Variants in FMR1 observed in about 807,000 individuals in gnomAD.
The protein encoded by FMR1 is fragile X messenger ribonucleoprotein 1.
Under a neutral mutation model 50.6 loss-of-function variants are expected in FMR1, and 13 were observed. That is an observed-to-expected ratio of 0.26 (90% CI 0.17 to 0.41). The LOEUF (loss-of-function observed/expected upper bound fraction) is 0.41. FMR1 is among the 10% of genes least tolerant of loss of function. The probability of loss-of-function intolerance (pLI) is 1.00; values close to 1 mark genes in which losing one functional copy is unlikely to be tolerated. For synonymous variants in FMR1, 138 were observed against 164.1 expected (o/e 0.84, Z 1.22); for missense variants, 316 against 491.3 (o/e 0.64, Z 3.37).
At position 147,936,530 on chromosome X, in the gene FMR1, C is replaced by A; in HGVS notation, c.907C>A (p.Leu303Met). 8.3e-7 allele frequency: 1 copy of A among 1,201,377 alleles called. No homozygotes were observed. Among genetic ancestry groups the A allele is most frequent in the Non-Finnish European group, 1.1e-6 (1 of 886,198 alleles). The change falls in exon 10 of 17, where the codon CTG (leucine) becomes ATG (methionine). Residue 303 changes from leucine to methionine, a missense_variant. By Grantham distance (15) the Leu-to-Met change is conservative. Transcript: ENST00000370475. ...VGKVIGKNGK[L>M]IQEIVDKSGV... ...CAAAGTAATAGGAAAAAATGGAAAG[C>A]TGATTCAGGAGATTGTGGACAAGTC...
rs3999731 is a variant in FMR1 at position 147,924,467 on chromosome X, T to TTGTGTGTGTG, written c.105-1049_105-1040dup. On this transcript the variant is annotated intron_variant, in intron 2 of 16. Transcript: ENST00000370475. ...CAAAGTTTGTCTTTCAGTATTTTATTTGTGTGTGTGTGTGTGTGTGTGTGT... is the reference window on the plus strand; with the variant it reads ...CAAAGTTTGTCTTTCAGTATTTTATTTGTGTGTGTGTGTGTGTGTGTGTGTGTGTGTGTGT... Among the ~76,000 whole-genome samples, 89 of 91,075 alleles carry TTGTGTGTGTG rather than the reference T, an allele frequency of 9.8e-4. 1 individual carries two copies. The highest frequency in any genetic ancestry group is 3.3e-3 in the African/African-American group (76 of 23,376). 79.1% of individuals were successfully genotyped at this position (91,075 alleles called of 115,157 possible). A position where few individuals can be genotyped will look rare whatever the true frequency, so the allele number is the denominator to read the frequency against.
chrX:147,946,493 T>A (rs2044173408), intron 16 of FMR1, among the ~76,000 whole-genome samples: 1 of 112,220 alleles, frequency 8.9e-6, no homozygotes, highest in African/African-American at 3.2e-5. Flanking sequence ...TAAATAATTT[T>A]AAAATTATCT....
rs368581020 is a variant in FMR1, at chrX:147,918,555, C to CTTTTTTTTTTTT, written c.52-3364_52-3353dup. 6.9e-3 allele frequency among the ~76,000 whole-genome samples: 326 copies of CTTTTTTTTTTTT among 47,275 alleles called. 47 individuals carry two copies. Among genetic ancestry groups the CTTTTTTTTTTTT allele is most frequent in the Non-Finnish European group, 7.8e-3 (241 of 31,059 alleles). 41.1% of individuals were successfully genotyped at this position (47,275 alleles called of 115,157 possible). On this transcript the variant is annotated intron_variant, in intron 1 of 16. Transcript: ENST00000370475. ...GAAATGCATTCAGAGCCTGCAAAAG[C>CTTTTTTTTTTTT]TTTTTTTTTTTTTTTTTTTTTTTTT...
intron 7 of FMR1, among the ~76,000 whole-genome samples, chrX:147,931,544 A>T (rs1388216350): frequency 8.9e-6 from 1 of 111,927 alleles, no homozygotes; most frequent in Non-Finnish European, 1.9e-5. Flanking sequence ...TATTAAAGAG[A>T]TTTACATGTT....
At chrX:147,933,456 A>C (rs1293909369) in intron 9 of FMR1, 3 of 999,286 alleles carry the variant, frequency 3.0e-6, no homozygotes, top group Non-Finnish European at 3.8e-6. Context: ...AGCTAGAAGA[A>C]ACTTCAGATG....
chrX:147,938,100 T>C lies in FMR1; in HGVS notation c.1127T>C (p.Val376Ala). Residue 376 changes from valine (V) to alanine (A), a missense_variant and splice_region_variant, in exon 12 of 17, where the codon GTG becomes GCG. Physicochemically the swap from Val to Ala is moderately conservative, Grantham distance 64 (BLOSUM62 0). Coordinates refer to ENST00000370475, the MANE Select transcript of FMR1 (RefSeq NM_002024.6). ...SQPNSTKVQR[V>A]LVASSVVAGE... The stretch of plus-strand genomic sequence containing the variant: ...CTTGCATTCCTTATACTGCTTTAGG[T>C]GTTAGTGGCTTCATCAGTTGTAGCA... 1 of 1,203,541 alleles carries C rather than the reference T, an allele frequency of 8.3e-7. No individual in the cohort carries two copies. The highest frequency in any genetic ancestry group is 1.1e-6 in the Non-Finnish European group (1 of 887,853).
In FMR1 at chrX:147,912,084, C is replaced by CGGCGGCGGCGGCGGCGGCGGA. The variant is rs1569545079; in HGVS notation, c.-76_-75insAGGCGGCGGCGGCGGCGGCGG. The CGGCGGCGGCGGCGGCGGCGGA allele has an allele frequency of 9.3e-5, 34 of 366,137 alleles. No individual in the cohort carries two copies. The highest frequency in any genetic ancestry group is 6.8e-4 in the African/African-American group (23 of 33,752). 30.2% of individuals were successfully genotyped at this position (366,137 alleles called of 1,213,427 possible). A position where few individuals can be genotyped will look rare whatever the true frequency, so the allele number is the denominator to read the frequency against. ...GCGGCGGCGGCGGCGGCGGCGGAGG[C>CGGCGGCGGCGGCGGCGGCGGA]GGCGGCGGCGGCGGCGGCGGCGGCG... On this transcript the variant is annotated 5_prime_UTR_variant, in exon 1 of 17. Transcript: ENST00000370475.
intron 2 of FMR1, among the ~76,000 whole-genome samples, chrX:147,923,204 A>T (rs1409168183): frequency 8.9e-6 from 1 of 111,894 alleles, no homozygotes; most frequent in Non-Finnish European, 1.9e-5. Flanking sequence ...AGATAAAAGG[A>T]TTAAAAGCAT....
At chrX:147,930,701 C>A (rs2043562371) in intron 7 of FMR1, among the ~76,000 whole-genome samples, 1 of 111,983 alleles carries the variant, frequency 8.9e-6, no homozygotes, top group African/African-American at 3.2e-5. Context: ...CCCTAACTTA[C>A]TATTTTGTCT....
chrX:147,939,371 T>G (rs1264330606), intron 12 of FMR1, among the ~76,000 whole-genome samples: 1 of 111,390 alleles, frequency 9.0e-6, no homozygotes, highest in Non-Finnish European at 1.9e-5. Context: ...AGTTCAAACT[T>G]TCCTTGTGAT....
chrX:147,924,061 G>A (rs1488302391), intron 2 of FMR1, among the ~76,000 whole-genome samples: 3 of 111,129 alleles, frequency 2.7e-5, no homozygotes, highest in Non-Finnish European at 5.7e-5. Context: ...TTTTTAATAA[G>A]GAATTTGAAT....
chrX:147,912,379 G>C (rs1481839373), intron 1 of FMR1, 149 bp downstream of exon 1: 2 of 533,388 alleles, frequency 3.7e-6, no homozygotes, highest in African/African-American at 4.7e-5. Flanking sequence ...GGGAGGGAAG[G>C]ACTGGACTTG....
At chrX:147,916,330 C>T (rs1271935632) in intron 1 of FMR1, among the ~76,000 whole-genome samples, 2 of 111,875 alleles carry the variant, frequency 1.8e-5, no homozygotes, top group African/African-American at 6.5e-5. Flanking sequence ...AATTTGTAGC[C>T]TATATGAAGT....
At position 147,942,822 on chromosome X, in the gene FMR1, G is replaced by A. The variant is rs1486420888; in HGVS notation, c.1276-309G>A. ...AAGAAGTCCCCAAAATAGCATATCT[G>A]TGCCTTAGCAGTAGAATAATTGGAT... On this transcript the variant is annotated intron_variant, in intron 13 of 16. Transcript: ENST00000370475. 3.6e-5 allele frequency among the ~76,000 whole-genome samples: 4 copies of A among 112,357 alleles called. No homozygotes were observed. The South Asian group carries it at 1.5e-3, about 41-fold the overall frequency.
chrX:147,946,157 G>A (rs1450569348), intron 16 of FMR1, among the ~76,000 whole-genome samples: 2 of 66 alleles, frequency 0.03, no homozygotes, highest in African/African-American at 0.083. Context: ...GATTACAGGC[G>A]TGAGCACTGT....
rs782783430 is a variant in FMR1, at chrX:147,939,833, G to A, written c.1189-743G>A. On this transcript the variant is annotated intron_variant, in intron 12 of 16. Transcript: ENST00000370475. ...GGAACACCTAGGGCCTGGGGAGGTCGAGGCTACAGCGAGCCATTATCATGC... is the reference window on the plus strand; with the variant it reads ...GGAACACCTAGGGCCTGGGGAGGTCAAGGCTACAGCGAGCCATTATCATGC... Among the ~76,000 whole-genome samples, 14 of 103,057 alleles carry A rather than the reference G, an allele frequency of 1.4e-4. No homozygotes were observed. In the East Asian group the frequency reaches 3.6e-3, roughly 27 times the overall value. The allele number at this position is 103,057 out of a possible 115,157, so 89.5% of individuals were successfully genotyped here. A position where few individuals can be genotyped will look rare whatever the true frequency, so the allele number is the denominator to read the frequency against.
At chrX:147,942,998 G>A in intron 13 of FMR1, 133 bp from the exon 14 acceptor site, 1 of 530,120 alleles carries the variant, frequency 1.9e-6, no homozygotes, top group Non-Finnish European at 3.2e-6. Context: ...ATAATTCTGT[G>A]TAACAGTGTT....
chrX:147,945,464 G>T, intron 15 of FMR1, 70 bp from the exon 16 acceptor site: 1 of 832,071 alleles, frequency 1.2e-6, no homozygotes. Context: ...TAGAGGGTGT[G>T]GGAATAAAGA....
intron 9 of FMR1, among the ~76,000 whole-genome samples, chrX:147,933,934 AGG>A (rs2043695746): frequency 8.9e-6 from 1 of 112,422 alleles, no homozygotes; most frequent in African/African-American, 3.2e-5. Flanking sequence ...TGCAAATAGT[AGG>A]AAAATAATGC....
Sources: gnomAD v4.1 joint callset for allele counts (sites outside exome capture counted in the v4.1 genomes callset) on GRCh38, gnomAD v4.1.1 for gene constraint, MANE v1.5 for transcripts, NCBI Gene and HGNC (gene_info 2026-07-23, HGNC 2026-07-21) for gene names.